SLC4A4: variants seen among roughly 807,000 people sequenced by gnomAD.
SLC4A4 encodes the protein electrogenic sodium bicarbonate cotransporter 1.
In SLC4A4, 27 loss-of-function variants were observed where a neutral mutation model predicts 111.5. The ratio of observed to expected loss-of-function variants is 0.24; its 90% CI spans 0.18 to 0.33. The LOEUF (loss-of-function observed/expected upper bound fraction) is 0.33. SLC4A4 is among the 10% of genes least tolerant of loss of function. SLC4A4 has a pLI of 1.00. For synonymous variants in SLC4A4, 443 were observed against 463.4 expected (o/e 0.96, Z 0.57); for missense variants, 909 against 1,315.5 (o/e 0.69, Z 4.78).
intron 6 of SLC4A4, among the ~76,000 whole-genome samples, chr4:71,366,801 GA>G (rs1229295982): frequency 6.6e-6 from 1 of 152,126 alleles, no homozygotes; most frequent in Non-Finnish European, 1.5e-5. Context: ...TTTGTGAAGT[GA>G]AAAAAAGCAA....
chr4:71,085,477 G>C (rs1742134863), intron 1 of SLC4A4, among the ~76,000 whole-genome samples: 1 of 151,976 alleles, frequency 6.6e-6, no homozygotes, highest in Non-Finnish European at 1.5e-5. Flanking sequence ...TGAAGTCCTT[G>C]CCCATGCCTA....
intron 1 of SLC4A4, chr4:71,236,313 T>C (rs1719806243): frequency 1.0e-6 from 1 of 1,002,150 alleles, no homozygotes; most frequent in Admixed American, 4.1e-5. Flanking sequence ...ACATCCTGCC[T>C]ACAGGATTGG....
At chr4:71,142,650 C>T (rs1168158545) in intron 2 of SLC4A4, among the ~76,000 whole-genome samples, 1 of 151,782 alleles carries the variant, frequency 6.6e-6, no homozygotes, top group Non-Finnish European at 1.5e-5. Flanking sequence ...GAGTCTTCGG[C>T]TTTTTGCAGC....
At chr4:71,546,695 G>T (rs555007380) in intron 19 of SLC4A4, among the ~76,000 whole-genome samples, 167 bp downstream of exon 19, 86 of 152,002 alleles carry the variant, frequency 5.7e-4, no homozygotes, top group African/African-American at 2.0e-3. Context: ...AGGTTTCAGT[G>T]ATTTTTTTAG....
At chr4:71,187,663 C>G (rs926610917) in intron 1 of SLC4A4, among the ~76,000 whole-genome samples, 1 of 152,196 alleles carries the variant, frequency 6.6e-6, no homozygotes, top group Admixed American at 6.5e-5. Flanking sequence ...GCTTCTCCCT[C>G]ACTGCTAAGT....
chr4:71,118,663 A>G (rs1743336872), intron 2 of SLC4A4, among the ~76,000 whole-genome samples: 1 of 152,092 alleles, frequency 6.6e-6, no homozygotes, highest in African/African-American at 2.4e-5. Context: ...TTGACAGATT[A>G]TTTGATGTAG....
At chr4:71,458,228 G>A (rs757180336) in intron 12 of SLC4A4, among the ~76,000 whole-genome samples, 6 of 152,008 alleles carry the variant, frequency 3.9e-5, no homozygotes, top group Non-Finnish European at 8.8e-5. Context: ...AGTACTGTCT[G>A]AATGGAACCT....
At chr4:71,202,105 G>A (rs796761285) in intron 1 of SLC4A4, among the ~76,000 whole-genome samples, 4 of 152,278 alleles carry the variant, frequency 2.6e-5, no homozygotes, top group African/African-American at 9.6e-5. Flanking sequence ...ATCACTGTAG[G>A]CCTAGATATA....
intron 2 of SLC4A4, among the ~76,000 whole-genome samples, chr4:71,120,755 T>A (rs1743390229): frequency 2.0e-5 from 3 of 152,132 alleles, no homozygotes; most frequent in South Asian, 2.1e-4. Context: ...GTAATCCCAG[T>A]GAGAGGTGAC....
At chr4:71,392,783 G>A (rs1459383571) in intron 6 of SLC4A4, among the ~76,000 whole-genome samples, 4 of 151,922 alleles carry the variant, frequency 2.6e-5, no homozygotes, top group Non-Finnish European at 5.9e-5. Flanking sequence ...CTAGCTAACC[G>A]AGTCCAACAA....
intron 1 of SLC4A4, among the ~76,000 whole-genome samples, chr4:71,063,990 G>T (rs1741451140): frequency 6.6e-6 from 1 of 151,950 alleles, no homozygotes; most frequent in African/African-American, 2.4e-5. Flanking sequence ...AGGACCTAAA[G>T]GTCCTTTGAT....
chr4:71,155,980 G>A (rs868800503), intron 2 of SLC4A4, among the ~76,000 whole-genome samples: 7 of 152,158 alleles, frequency 4.6e-5, no homozygotes, highest in Non-Finnish European at 7.3e-5. Context: ...ACAGCAGACC[G>A]TACAAAATTA....
intron 3 of SLC4A4, among the ~76,000 whole-genome samples, chr4:71,317,020 C>T (rs573539980): frequency 3.0e-4 from 46 of 151,814 alleles, no homozygotes; most frequent in African/African-American, 1.1e-3. Context: ...ATGTCAGGCT[C>T]ACATGTGTTT....
At chr4:71,536,468 A>ATATATATATG (rs1553928597) in intron 18 of SLC4A4, among the ~76,000 whole-genome samples, 3 of 66,662 alleles carry the variant, frequency 4.5e-5, no homozygotes, top group Non-Finnish European at 9.7e-5. Context: ...ATATATACAT[A>ATATATATATG]TATATATATA....
chr4:71,077,989 T>C (rs1741890157), intron 1 of SLC4A4, among the ~76,000 whole-genome samples: 1 of 152,184 alleles, frequency 6.6e-6, no homozygotes, highest in Non-Finnish European at 1.5e-5. Context: ...CAGGAAAATA[T>C]ATGTACAGAT....
intron 2 of SLC4A4, among the ~76,000 whole-genome samples, chr4:71,120,996 C>T (rs141522586): frequency 0.028 from 4,248 of 152,316 alleles, 76 homozygotes; most frequent in Middle Eastern, 0.058. Context: ...CGGGTGGGCA[C>T]GCGCTCGGTA....
At chr4:71,345,470 C>G (rs967878579) in intron 4 of SLC4A4, among the ~76,000 whole-genome samples, 2 of 152,138 alleles carry the variant, frequency 1.3e-5, no homozygotes, top group African/African-American at 4.8e-5. Flanking sequence ...CAGCGTAATT[C>G]AAACTGTGCT....
At chr4:71,359,282 G>A (rs531089797) in intron 6 of SLC4A4, among the ~76,000 whole-genome samples, 2 of 152,268 alleles carry the variant, frequency 1.3e-5, no homozygotes, top group South Asian at 4.2e-4. Context: ...ATATATGCTG[G>A]GCAGAAAGCA....
At chr4:71,514,733 C>A (rs1732226527) in intron 16 of SLC4A4, among the ~76,000 whole-genome samples, 1 of 152,108 alleles carries the variant, frequency 6.6e-6, no homozygotes, top group Non-Finnish European at 1.5e-5. Context: ...TGGCATGTTT[C>A]CAGGAATTTA....
Sources: gnomAD v4.1 joint callset for allele counts (sites outside exome capture counted in the v4.1 genomes callset) on GRCh38, gnomAD v4.1.1 for gene constraint, MANE v1.5 for transcripts, NCBI Gene and HGNC (gene_info 2026-07-23, HGNC 2026-07-21) for gene names.